Variants in NELL1 observed in about 807,000 individuals in gnomAD.
NELL1 encodes neural EGFL like 1.
A neutral mutation model predicts 107.4 loss-of-function variants in NELL1; 76 were observed. The ratio of observed to expected loss-of-function variants is 0.71; its 90% CI spans 0.59 to 0.86. The LOEUF is 0.86. NELL1 is among the 40% of genes least tolerant of loss of function. NELL1 has a pLI of 0.00. For synonymous variants in NELL1, 353 were observed against 341.2 expected, an observed-to-expected ratio of 1.03 and a Z score of -0.38; for missense variants, 1,024 against 1,005.5, an observed-to-expected ratio of 1.02 and a Z score of -0.25.
chr11:21,182,117 C>T (rs1241263724), intron 13 of NELL1, among the ~76,000 whole-genome samples: 1 of 151,776 alleles, frequency 6.6e-6, no homozygotes, highest in East Asian at 1.9e-4. Context: ...TAGCAGACGC[C>T]AGCCAGAGCC....
chr11:21,529,247 TCTGGAGGATC>T, intron 15 of NELL1, among the ~76,000 whole-genome samples: 1 of 152,090 alleles, frequency 6.6e-6, no homozygotes, highest in East Asian at 1.9e-4. Flanking sequence ...GTAGAAATAT[TCTGGAGGATC>T]ATATTAGGCA....
intron 7 of NELL1, among the ~76,000 whole-genome samples, chr11:20,923,292 G>T (rs890328048): frequency 3.3e-5 from 5 of 152,158 alleles, no homozygotes. Flanking sequence ...TTAGGGTTAG[G>T]CATGCTGGCA....
At chr11:21,253,875 T>C (rs969241964) in intron 14 of NELL1, among the ~76,000 whole-genome samples, 3 of 152,090 alleles carry the variant, frequency 2.0e-5, no homozygotes, top group Admixed American at 6.6e-5. Context: ...TTAAACAATG[T>C]AGTGTGGATA....
intron 12 of NELL1, among the ~76,000 whole-genome samples, chr11:21,051,332 T>C (rs10833446): frequency 0.38 from 57,615 of 151,886 alleles, 13,665 homozygotes; most frequent in African/African-American, 0.66. Flanking sequence ...GGAGCTAAGC[T>C]ATGAGGACAC....
chr11:20,948,505 TTCTA>T (rs952571123), intron 11 of NELL1, among the ~76,000 whole-genome samples: 4 of 152,126 alleles, frequency 2.6e-5, no homozygotes, highest in Non-Finnish European at 5.9e-5. Flanking sequence ...ATTACAATTC[TTCTA>T]TCTATTTTGA....
At chr11:20,709,983 T>C (rs1056782327) in intron 2 of NELL1, among the ~76,000 whole-genome samples, 2 of 152,204 alleles carry the variant, frequency 1.3e-5, no homozygotes, top group African/African-American at 2.4e-5. Context: ...TATACGATCA[T>C]ATCTTCAGTG....
chr11:20,726,429 T>C (rs1484444687), intron 2 of NELL1, among the ~76,000 whole-genome samples: 2 of 151,048 alleles, frequency 1.3e-5, no homozygotes, highest in East Asian at 3.9e-4. Flanking sequence ...ACCAGCACCC[T>C]AGTCACTAGC....
chr11:21,355,895 C>T (rs78680160), intron 14 of NELL1, among the ~76,000 whole-genome samples: 456 of 152,246 alleles, frequency 3.0e-3, no homozygotes, highest in African/African-American at 9.5e-3. Context: ...TAAGTCACTA[C>T]GTGATCTGCA....
intron 15 of NELL1, among the ~76,000 whole-genome samples, chr11:21,418,247 T>G (rs977466303): frequency 5.9e-5 from 9 of 151,982 alleles, no homozygotes; most frequent in Non-Finnish European, 1.3e-4. Context: ...GTCGTGCAGA[T>G]GAATATGTTT....
chr11:21,466,736 C>T (rs1854041916), intron 15 of NELL1, among the ~76,000 whole-genome samples: 1 of 151,920 alleles, frequency 6.6e-6, no homozygotes. Flanking sequence ...CTAATGACAG[C>T]AGGAGAACCT....
At chr11:20,992,707 G>A (rs1291947251) in intron 12 of NELL1, among the ~76,000 whole-genome samples, 1 of 119,282 alleles carries the variant, frequency 8.4e-6, no homozygotes, top group African/African-American at 3.2e-5. Context: ...GGCAAAAGTG[G>A]CATTTTTTTT....
At chr11:21,249,226 G>A (rs980816779) in intron 14 of NELL1, among the ~76,000 whole-genome samples, 4 of 152,150 alleles carry the variant, frequency 2.6e-5, no homozygotes, top group African/African-American at 9.7e-5. Flanking sequence ...TATATTTGGT[G>A]TAGAGATTAT....
chr11:20,968,786 G>A lies in NELL1; in HGVS notation c.1300+8226G>A, dbSNP rs114740168. On this transcript the variant is annotated intron_variant, in intron 12 of 19. Transcript: ENST00000357134. Reference sequence around the variant, plus strand: ...TGGCTCCTTTCCTCTTGTGGTCCTAGCATGGGCAGTATGTGCCTCTCAAGG... The same window carrying A: ...TGGCTCCTTTCCTCTTGTGGTCCTAACATGGGCAGTATGTGCCTCTCAAGG... Among the ~76,000 whole-genome samples the A allele has an allele frequency of 3.2e-3, 488 of 152,214 alleles. 2 individuals carry two copies. The highest frequency in any genetic ancestry group is 0.011 in the African/African-American group (474 of 41,548).
At chr11:21,343,261 C>G (rs2133706819) in intron 14 of NELL1, among the ~76,000 whole-genome samples, 1 of 151,862 alleles carries the variant, frequency 6.6e-6, no homozygotes, top group Middle Eastern at 3.4e-3. Context: ...TTATATAATT[C>G]AGCTGCTTCT....
intron 14 of NELL1, among the ~76,000 whole-genome samples, chr11:21,276,716 C>G (rs1199813372): frequency 6.6e-6 from 1 of 152,126 alleles, no homozygotes; most frequent in Non-Finnish European, 1.5e-5. Flanking sequence ...ACCAATGGAA[C>G]AGAACGGAGC....
chr11:20,707,107 C>A (rs1854983959), intron 2 of NELL1, among the ~76,000 whole-genome samples: 1 of 152,150 alleles, frequency 6.6e-6, no homozygotes, highest in African/African-American at 2.4e-5. Context: ...TCATTTCATT[C>A]ATTTGGTCTT....
intron 5 of NELL1, among the ~76,000 whole-genome samples, chr11:20,905,746 G>GA (rs1055380800): frequency 2.6e-5 from 4 of 151,984 alleles, no homozygotes; most frequent in East Asian, 1.9e-4. Flanking sequence ...GGAGCAAAAA[G>GA]AAAAATGAAT....
chr11:21,336,674 T>TATATATATATACAC (rs55720144), intron 14 of NELL1, among the ~76,000 whole-genome samples: 16 of 130,522 alleles, frequency 1.2e-4, no homozygotes, highest in African/African-American at 4.6e-4. Context: ...TATATATATA[T>TATATATATATACAC]ACACACACAC....
chr11:20,895,105 A>C (rs1849699086), intron 5 of NELL1, among the ~76,000 whole-genome samples: 2 of 144,206 alleles, frequency 1.4e-5, no homozygotes, highest in African/African-American at 5.5e-5. Context: ...CCCCGTCTCT[A>C]CTAAAAATAC....
Sources: allele counts gnomAD v4.1 joint callset (sites outside exome capture counted in the v4.1 genomes callset), GRCh38; gene constraint gnomAD v4.1.1; transcripts MANE v1.5; gene names NCBI Gene and HGNC (gene_info 2026-07-23, HGNC 2026-07-21).